ZNF48: variants seen among roughly 807,000 people sequenced by gnomAD.
ZNF48 encodes the protein zinc finger protein 553.
ZNF48 carries 20 observed loss-of-function variants against 40.0 expected under a neutral mutation model. That is an observed-to-expected ratio of 0.50 (90% CI 0.35 to 0.73). ZNF48 has a LOEUF of 0.73. Ranked by LOEUF, ZNF48 falls within the 30% of genes least tolerant of loss-of-function variation. The probability of loss-of-function intolerance (pLI) is 0.01; values close to 1 mark genes in which losing one functional copy is unlikely to be tolerated. For missense variants in ZNF48, 726 were observed against 851.9 expected, an observed-to-expected ratio of 0.85 and a Z score of 1.84; for synonymous variants, 298 against 329.7, an observed-to-expected ratio of 0.90 and a Z score of 1.04.
At chr16:30,378,727 A>T in intron 1 of ZNF48, 1 of 1,596,560 alleles carries the variant, frequency 6.3e-7, no homozygotes, top group South Asian at 1.1e-5. Context: ...AGGGGACAGG[A>T]ATCAGGAGCG....
intron 2 of ZNF48, 149 bp downstream of exon 2, chr16:30,396,022 G>A: frequency 1.2e-6 from 1 of 803,868 alleles, no homozygotes; most frequent in Non-Finnish European, 1.8e-6. Flanking sequence ...AGCACCAACT[G>A]TGCGCCAGGC....
chr16:30,380,945 A>G (rs1422092249), intron 1 of ZNF48: 3 of 663,086 alleles, frequency 4.5e-6, no homozygotes, highest in African/African-American at 1.8e-5. Context: ...TATGTAGCCT[A>G]TTTTGAGCCT....
At chr16:30,391,040 A>C (rs2049939207), upstream of ZNF48, among the ~76,000 whole-genome samples, 1 of 151,040 alleles carries the variant, frequency 6.6e-6, no homozygotes, top group South Asian at 2.1e-4. Flanking sequence ...CGCCCGGCCG[A>C]ATAAACTTAC....
At chr16:30,385,114 G>A (rs1471424809) in intron 1 of ZNF48, among the ~76,000 whole-genome samples, 9 of 151,590 alleles carry the variant, frequency 5.9e-5, no homozygotes, top group Admixed American at 5.9e-4. Flanking sequence ...GGTGAAGTTT[G>A]CGGTGAGCTG....
At chr16:30,380,795 G>A in intron 1 of ZNF48, 1 of 332,788 alleles carries the variant, frequency 3.0e-6, no homozygotes, top group Non-Finnish European at 5.7e-6. Flanking sequence ...AGAAAGAGAG[G>A]CCGAGAGAGA....
chr16:30,383,220 G>A (rs9921711), intron 1 of ZNF48, among the ~76,000 whole-genome samples: 107,670 of 151,926 alleles, frequency 0.71, 38,509 homozygotes, highest in East Asian at 0.92. Flanking sequence ...ACGGAGTCTC[G>A]CTCTGTTGCC....
chr16:30,381,160 C>A lies in ZNF48; in HGVS notation c.-16+2750C>A. The A allele has an allele frequency of 6.2e-7, 1 of 1,614,112 alleles. No homozygotes were observed. The highest frequency in any genetic ancestry group is 1.1e-5 in the South Asian group (1 of 91,076). On this transcript the variant is annotated intron_variant, in intron 1 of 2. Coordinates refer to the ZNF48 transcript ENST00000528032. The surrounding 1 kb of genome is among the most constrained non-coding windows in gnomAD (Gnocchi z 4.3). ...TGAGGGCCTGGGTTTCCTGGGGCAT[C>A]AGAGCATCCGCTTTGCCAATGACTG...
chr16:30,380,778 A>G (rs4247355), intron 1 of ZNF48: 188,693 of 268,714 alleles, frequency 0.7, 67,753 homozygotes, highest in East Asian at 0.91. Context: ...TAAAAAAAAA[A>G]AGAGAGAGAA....
chr16:30,388,549 T>C (rs1160381433), intron 1 of ZNF48, among the ~76,000 whole-genome samples: 1 of 152,088 alleles, frequency 6.6e-6, no homozygotes, highest in African/African-American at 2.4e-5. Context: ...TACATATTAA[T>C]GCCAGGCCAG....
At position 30,381,012 on chromosome 16, in the gene ZNF48, A is replaced by G. The variant is rs2049839678; in HGVS notation, c.-16+2602A>G. On this transcript the variant is annotated intron_variant, in intron 1 of 2. Transcript: ENST00000528032. The surrounding 1 kb of genome is among the most constrained non-coding windows in gnomAD (Gnocchi z 4.3). The stretch of plus-strand genomic sequence containing the variant: ...CCCGCCTTCCTCAGAAGCTTCTCCT[A>G]CAATCTAGCCTGATGCACCATGCTC... 1 of 867,454 alleles carries G rather than the reference A, an allele frequency of 1.2e-6. No individual in the cohort carries two copies. Among genetic ancestry groups the G allele is most frequent in the Admixed American group, 1.9e-5 (1 of 52,904 alleles). The allele number at this position is 867,454 out of a possible 1,614,324, so 53.7% of individuals were successfully genotyped here.
chr16:30,381,321 A>G lies in ZNF48; in HGVS notation c.-16+2911A>G. On this transcript the variant is annotated intron_variant, in intron 1 of 2. Transcript: ENST00000528032. This position sits in a 1 kb window ranked among gnomAD's most constrained non-coding sequence, Gnocchi z 4.3. ...GCCCTCCCTAAATGCGCCAGCCCCCAGGATCCCCCCACCAGACCCCCGGCC... is the reference window on the plus strand; with the variant it reads ...GCCCTCCCTAAATGCGCCAGCCCCCGGGATCCCCCCACCAGACCCCCGGCC... 1 of 1,084,030 alleles carries G rather than the reference A, an allele frequency of 9.2e-7. No individual in the cohort carries two copies. The highest frequency in any genetic ancestry group is 1.3e-6 in the Non-Finnish European group (1 of 759,690). The allele number at this position is 1,084,030 out of a possible 1,614,324, so 67.2% of individuals were successfully genotyped here.
At position 30,381,829 on chromosome 16, in the gene ZNF48, C is replaced by A; in HGVS notation, c.-16+3419C>A. 1.2e-6 allele frequency: 2 copies of A among 1,614,184 alleles called. No homozygotes were observed. Among genetic ancestry groups the A allele is most frequent in the Non-Finnish European group, 1.7e-6 (2 of 1,180,026 alleles). On this transcript the variant is annotated intron_variant, in intron 1 of 2. Transcript: ENST00000528032. This position sits in a 1 kb window ranked among gnomAD's most constrained non-coding sequence, Gnocchi z 4.3. The stretch of plus-strand genomic sequence containing the variant: ...AAGGGTCAGCTTCACTTTCACACCC[C>A]CTTCCTCAATCTCTACGCCCCGGCG...
At position 30,385,045 on chromosome 16, in the gene ZNF48, G is replaced by A. The variant is rs368144701; in HGVS notation, c.-16+6635G>A. On this transcript the variant is annotated intron_variant, in intron 1 of 2. Coordinates refer to the ZNF48 transcript ENST00000528032. ...TACAAAATTAGCAGGGCGTGATGGC[G>A]CATGCCTGTAATCCCAGCTACACGG... 2.6e-5 allele frequency among the ~76,000 whole-genome samples: 4 copies of A among 151,892 alleles called. No homozygotes were observed. The East Asian group carries it at 5.8e-4, about 22-fold the overall frequency.
intron 1 of ZNF48, among the ~76,000 whole-genome samples, chr16:30,389,740 A>G (rs920727891): frequency 1.3e-4 from 18 of 141,976 alleles, no homozygotes; most frequent in African/African-American, 4.7e-4. Context: ...GGAAGGCAGT[A>G]CCTTGAGTTT....
Position 30,381,734 on chromosome 16 carries a change from C to T in ZNF48, c.-16+3324C>T. On this transcript the variant is annotated intron_variant, in intron 1 of 2. Transcript: ENST00000528032. This position sits in a 1 kb window ranked among gnomAD's most constrained non-coding sequence, Gnocchi z 4.3. Reference sequence around the variant, plus strand: ...GGAGTCGCCACTGTGAAAGGCTGAGCCTCTGTCCCCTTTCCTCTTCCTCAC... The same window carrying T: ...GGAGTCGCCACTGTGAAAGGCTGAGTCTCTGTCCCCTTTCCTCTTCCTCAC... The T allele has an allele frequency of 1.9e-6, 3 of 1,612,588 alleles. No homozygotes were observed. Among genetic ancestry groups the T allele is most frequent in the Non-Finnish European group, 2.5e-6 (3 of 1,179,316 alleles).
At chr16:30,379,394 G>A (rs886213920) in intron 1 of ZNF48, 4 of 1,558,258 alleles carry the variant, frequency 2.6e-6, no homozygotes, top group Admixed American at 1.7e-5. Context: ...GAGGCCCCGG[G>A]CTCCCTGCTG....
At chr16:30,383,435 C>T (rs1001465514) in intron 1 of ZNF48, among the ~76,000 whole-genome samples, 10 of 152,140 alleles carry the variant, frequency 6.6e-5, no homozygotes, top group Admixed American at 3.9e-4. Flanking sequence ...GTGATCTGCC[C>T]GCCTCGGCCT....
chr16:30,379,199 C>T (rs1285121577), intron 1 of ZNF48: 1 of 1,613,034 alleles, frequency 6.2e-7, no homozygotes, highest in African/African-American at 1.3e-5. Context: ...GGGGGGGCGG[C>T]GCGGACCAGC....
Position 30,399,682 on chromosome 16 carries a change from C to T in ZNF48, c.*575C>T, listed in dbSNP as rs2050032831. 1 of 153,076 alleles carries T rather than the reference C, an allele frequency of 6.5e-6. No homozygotes were observed. The highest frequency in any genetic ancestry group is 6.5e-5 in the Admixed American group (1 of 15,312). The allele number at this position is 153,076 out of a possible 1,614,324, so 9.5% of individuals were successfully genotyped here. A position where few individuals can be genotyped will look rare whatever the true frequency, so the allele number is the denominator to read the frequency against. On this transcript the variant is annotated 3_prime_UTR_variant, in exon 3 of 3. Coordinates refer to ENST00000613509, the MANE Select transcript of ZNF48 (RefSeq NM_001214909.2). ...GATGAGGCAGGGGTATCTTGATCAT[C>T]CGGATGGGGCAAATACTGCTGTGTG...
Sources: gnomAD v4.1 joint callset for allele counts (sites outside exome capture counted in the v4.1 genomes callset) on GRCh38, gnomAD v4.1.1 for gene constraint, Gnocchi (gnomAD v3.1) non-coding constraint, MANE v1.5 for transcripts, NCBI Gene and HGNC (gene_info 2026-07-23, HGNC 2026-07-21) for gene names.